Variants in ME3 observed in about 807,000 individuals in gnomAD.
The protein encoded by ME3 is malic enzyme 3.
ME3 carries 48 observed loss-of-function variants against 68.9 expected under a neutral mutation model. The observed-to-expected ratio is 0.70, with a 90% confidence interval of 0.55 to 0.89. The LOEUF is 0.89. ME3 is among the 40% of genes least tolerant of loss of function. The probability of loss-of-function intolerance (pLI) is 0.00; values close to 1 mark genes in which losing one functional copy is unlikely to be tolerated. For missense variants in ME3, 675 were observed against 797.4 expected, an observed-to-expected ratio of 0.85 and a Z score of 1.85; for synonymous variants, 320 against 318.8, an observed-to-expected ratio of 1.00 and a Z score of -0.04.
chr11:86,463,065 G>A (rs1950302845), intron 8 of ME3, among the ~76,000 whole-genome samples: 1 of 152,216 alleles, frequency 6.6e-6, no homozygotes, highest in Non-Finnish European at 1.5e-5. Flanking sequence ...CTCATGAAGA[G>A]AGGGTGGCAT....
At chr11:86,556,919 A>G (rs1278470432) in intron 3 of ME3, among the ~76,000 whole-genome samples, 2 of 151,872 alleles carry the variant, frequency 1.3e-5, no homozygotes, top group Non-Finnish European at 2.9e-5. Context: ...ACTGTTCTAA[A>G]TATTTTACAT....
chr11:86,609,887 T>C (rs1455794448), intron 2 of ME3, among the ~76,000 whole-genome samples: 1 of 152,160 alleles, frequency 6.6e-6, no homozygotes, highest in Non-Finnish European at 1.5e-5. Context: ...AAATTATATA[T>C]AAATATAATG....
chr11:86,534,105 A>ATC (rs1955478613), intron 4 of ME3, among the ~76,000 whole-genome samples: 1 of 149,414 alleles, frequency 6.7e-6, no homozygotes, highest in Non-Finnish European at 1.5e-5. Flanking sequence ...ATATATATAT[A>ATC]TATATGTAAA....
At chr11:86,584,041 G>C (rs1255836183) in intron 2 of ME3, among the ~76,000 whole-genome samples, 1 of 151,988 alleles carries the variant, frequency 6.6e-6, no homozygotes, top group Non-Finnish European at 1.5e-5. Context: ...CTACAGAATG[G>C]GAAAAAGTAT....
At chr11:86,533,212 AAG>A (rs1955390546) in intron 4 of ME3, among the ~76,000 whole-genome samples, 4 of 152,160 alleles carry the variant, frequency 2.6e-5, no homozygotes, top group African/African-American at 9.7e-5. Flanking sequence ...CAACAAAACT[AAG>A]AGTTGGGTTT....
intron 5 of ME3, 66 bp downstream of exon 5, chr11:86,508,726 G>T (rs897405261): frequency 7.0e-7 from 1 of 1,432,664 alleles, no homozygotes. Context: ...AGATGGAAAT[G>T]ACTCTGGTTT....
chr11:86,471,218 C>T (rs938200791), intron 7 of ME3, among the ~76,000 whole-genome samples: 5 of 146,494 alleles, frequency 3.4e-5, no homozygotes, highest in African/African-American at 1.3e-4. Flanking sequence ...TGGCAACCTC[C>T]TCCACCTCCC....
intron 2 of ME3, among the ~76,000 whole-genome samples, chr11:86,630,899 G>A (rs768266874): frequency 2.0e-5 from 3 of 152,208 alleles, no homozygotes; most frequent in African/African-American, 4.8e-5. Flanking sequence ...GAGCCCCTGA[G>A]GAAACCTGGA....
rs191505721 is a variant in ME3, at chr11:86,527,520, T to G, written c.468-18653A>C. Among the ~76,000 whole-genome samples, 43 of 152,134 alleles carry G rather than the reference T, an allele frequency of 2.8e-4. No individual in the cohort carries two copies. In the East Asian group the frequency reaches 8.3e-3, roughly 29 times the overall value. On this transcript the variant is annotated intron_variant, in intron 4 of 14. Coordinates refer to ENST00000543262, the Ensembl canonical transcript of ME3. ...AATTCAGAGAATGCCACAAAGATAA[T>G]CCTTGAGAAGAGCAACTCCAAGACA...
intron 2 of ME3, among the ~76,000 whole-genome samples, chr11:86,665,445 CA>C (rs1946533016): frequency 6.6e-6 from 1 of 152,078 alleles, no homozygotes; most frequent in Non-Finnish European, 1.5e-5. Context: ...GAGGATCAGT[CA>C]GTGCAAAGTC....
intron 2 of ME3, among the ~76,000 whole-genome samples, chr11:86,631,944 G>A (rs112237048): frequency 1.2e-3 from 179 of 152,210 alleles, no homozygotes; most frequent in Non-Finnish European, 2.1e-3. Flanking sequence ...TGTTGGCCAG[G>A]CTGGTCTCGA....
intron 7 of ME3, among the ~76,000 whole-genome samples, chr11:86,468,718 C>T (rs1950619971): frequency 6.6e-6 from 1 of 152,178 alleles, no homozygotes; most frequent in Admixed American, 6.5e-5. Flanking sequence ...AGGTAATGAG[C>T]TTTCACCATA....
intron 7 of ME3, among the ~76,000 whole-genome samples, chr11:86,478,685 T>G (rs1426676850): frequency 6.6e-6 from 1 of 152,240 alleles, no homozygotes; most frequent in African/African-American, 2.4e-5. Flanking sequence ...AGAATAATTC[T>G]TTAATAAAAT....
At chr11:86,493,483 G>A (rs796097164) in intron 6 of ME3, among the ~76,000 whole-genome samples, 4 of 152,362 alleles carry the variant, frequency 2.6e-5, no homozygotes, top group African/African-American at 9.6e-5. Context: ...TTGGGGAAGC[G>A]CTTTCTGCTC....
intron 2 of ME3, among the ~76,000 whole-genome samples, chr11:86,603,190 A>T (rs1481383477): frequency 1.3e-5 from 2 of 152,202 alleles, no homozygotes; most frequent in Non-Finnish European, 2.9e-5. Context: ...AATTTTCGCA[A>T]CCTACTCATC....
intron 7 of ME3, among the ~76,000 whole-genome samples, chr11:86,481,578 A>T (rs1594125012): frequency 6.6e-6 from 1 of 152,158 alleles, no homozygotes; most frequent in East Asian, 1.9e-4. Context: ...GTGTATTGGG[A>T]GTGGGTGTGG....
intron 2 of ME3, among the ~76,000 whole-genome samples, chr11:86,596,414 T>C (rs1444372730): frequency 6.6e-6 from 1 of 152,216 alleles, no homozygotes; most frequent in African/African-American, 2.4e-5. Flanking sequence ...AAGCTAACTG[T>C]CCCCTTCCTC....
intron 2 of ME3, among the ~76,000 whole-genome samples, chr11:86,665,302 G>A (rs980768697): frequency 1.3e-5 from 2 of 152,178 alleles, no homozygotes; most frequent in African/African-American, 4.8e-5. Context: ...TGTAGGGGGA[G>A]CAAGAAGGTT....
chr11:86,582,503 A>C (rs1958497593), intron 2 of ME3, among the ~76,000 whole-genome samples: 1 of 152,204 alleles, frequency 6.6e-6, no homozygotes, highest in African/African-American at 2.4e-5. Flanking sequence ...ACACACATTC[A>C]GAAGTAGAGG....
Sources: gnomAD v4.1 joint callset for allele counts (sites outside exome capture counted in the v4.1 genomes callset) on GRCh38, gnomAD v4.1.1 for gene constraint, MANE v1.5 for transcripts, NCBI Gene and HGNC (gene_info 2026-07-23, HGNC 2026-07-21) for gene names.